DMD: variants seen among roughly 807,000 people sequenced by gnomAD.
The protein encoded by DMD is dystrophin.
In DMD, 63 loss-of-function variants were observed where a neutral mutation model predicts 330.1. That is an observed-to-expected ratio of 0.19 (90% confidence interval 0.16 to 0.24). DMD has a LOEUF of 0.24. Among genes scored for constraint, DMD ranks in the 10% least tolerant of loss-of-function variants. The pLI is 1.00. For synonymous variants in DMD, 1,223 were observed against 959.8 expected, an observed-to-expected ratio of 1.27 and a Z score of -5.07; for missense variants, 3,344 against 2,684.1, an observed-to-expected ratio of 1.25 and a Z score of -5.43.
intron 7 of DMD, among the ~76,000 whole-genome samples, chrX:32,800,936 T>C (rs1231235910): frequency 8.9e-6 from 1 of 111,765 alleles, no homozygotes; most frequent in Non-Finnish European, 1.9e-5. Context: ...AAATTTTCTT[T>C]ATCCAGTCTA....
chrX:32,540,961 G>A (rs1411455506), intron 17 of DMD, among the ~76,000 whole-genome samples: 1 of 111,517 alleles, frequency 9.0e-6, no homozygotes. Flanking sequence ...ATTCATTTTA[G>A]TAAATCAATT....
chrX:31,927,108 G>T (rs1394415534), intron 47 of DMD, among the ~76,000 whole-genome samples: 1 of 112,054 alleles, frequency 8.9e-6, no homozygotes, highest in Non-Finnish European at 1.9e-5. Context: ...AACTAACAGG[G>T]ATACAGAGGC....
Position 33,088,012 on chromosome X carries a change from C to T in DMD, c.32-67812G>A, listed in dbSNP as rs758645747. On this transcript the variant is annotated intron_variant, in intron 1 of 78. Transcript: ENST00000357033. ...TTCTCTGCTTTGCGGCCCATAGCTT[C>T]CCAAAGTTACCCCTATTTCAGTATT... 2.7e-5 allele frequency among the ~76,000 whole-genome samples: 3 copies of T among 111,122 alleles called. No individual in the cohort carries two copies. In the Admixed American group the frequency reaches 2.9e-4, roughly 11 times the overall value.
In DMD at chrX:31,439,673, C is replaced by T. The variant is rs749421910; in HGVS notation, c.9084+4808G>A. Among the ~76,000 whole-genome samples, 3 of 111,923 alleles carry T rather than the reference C, an allele frequency of 2.7e-5. 1 individual carries two copies. The Admixed American group carries it at 2.9e-4, about 11-fold the overall frequency. On this transcript the variant is annotated intron_variant, in intron 60 of 78. Coordinates refer to ENST00000357033, the MANE Select transcript of DMD (RefSeq NM_004006.3). Reference sequence around the variant, plus strand: ...TTAAAGTGTTTTTGCAGCTTTTGTGCTATTTGTGGGTTTACTCATGAGTAA... The same window carrying T: ...TTAAAGTGTTTTTGCAGCTTTTGTGTTATTTGTGGGTTTACTCATGAGTAA...
rs769456440 is a variant in DMD at position 33,164,687 on chromosome X, A to T, written c.31+46595T>A. Among the ~76,000 whole-genome samples, 8 of 111,445 alleles carry T rather than the reference A, an allele frequency of 7.2e-5. No homozygotes were observed. The South Asian group carries it at 2.7e-3, about 37-fold the overall frequency. Reference sequence around the variant, plus strand: ...AAATAAGTGGTCTGATAAACAATTTACCACACCTGAAATGCAGACTTTCAT... The same window carrying T: ...AAATAAGTGGTCTGATAAACAATTTTCCACACCTGAAATGCAGACTTTCAT... On this transcript the variant is annotated intron_variant, in intron 1 of 78. Transcript: ENST00000357033.
At chrX:32,768,148 C>T (rs1272611610) in intron 7 of DMD, among the ~76,000 whole-genome samples, 3 of 111,647 alleles carry the variant, frequency 2.7e-5, no homozygotes, top group African/African-American at 6.5e-5. Flanking sequence ...TTATTTATAA[C>T]ACACAAAAGA....
chrX:32,659,017 T>G (rs1157979662), intron 9 of DMD, among the ~76,000 whole-genome samples: 1 of 112,079 alleles, frequency 8.9e-6, no homozygotes, highest in Non-Finnish European at 1.9e-5. Flanking sequence ...ACATTCAGCA[T>G]CACCCTTTGC....
intron 48 of DMD, among the ~76,000 whole-genome samples, chrX:31,857,097 G>A (rs1407019936): frequency 9.0e-6 from 1 of 110,882 alleles, no homozygotes. Context: ...TACCAATCTT[G>A]GCCAGGCATG....
chrX:31,568,405 C>A (rs753345795), intron 55 of DMD, among the ~76,000 whole-genome samples: 1 of 111,041 alleles, frequency 9.0e-6, no homozygotes, highest in Admixed American at 9.6e-5. Context: ...CTTTTTTCAG[C>A]TCTATTCATT....
At chrX:33,243,035 C>T (rs147579666) in intron 1 of DMD, among the ~76,000 whole-genome samples, 1,117 of 111,475 alleles carry the variant, frequency 0.01, 16 homozygotes, top group African/African-American at 0.035. Context: ...GATTTTCTAC[C>T]GCTCTGTGTG....
chrX:33,215,409 T>G (rs2052036299), upstream of DMD, among the ~76,000 whole-genome samples: 1 of 111,661 alleles, frequency 9.0e-6, no homozygotes, highest in Non-Finnish European at 1.9e-5. Context: ...TTAAGTTTCT[T>G]ATAGATTCTG....
At chrX:32,502,810 T>G (rs1215414164) in intron 18 of DMD, among the ~76,000 whole-genome samples, 1 of 110,842 alleles carries the variant, frequency 9.0e-6, no homozygotes, top group Non-Finnish European at 1.9e-5. Flanking sequence ...CCAGGTAAAA[T>G]ACTGGAGTAC....
intron 1 of DMD, among the ~76,000 whole-genome samples, chrX:33,156,648 T>C (rs60362394): frequency 0.01 from 1,126 of 112,018 alleles, 6 homozygotes; most frequent in African/African-American, 0.034. Flanking sequence ...AAAACAAATA[T>C]AATGTGCTCT....
chrX:32,402,615 T>C (rs985927887), intron 30 of DMD, among the ~76,000 whole-genome samples: 3 of 111,654 alleles, frequency 2.7e-5, no homozygotes, highest in Admixed American at 9.6e-5. Flanking sequence ...AAATATTAGA[T>C]ATTCACATGG....
intron 2 of DMD, among the ~76,000 whole-genome samples, chrX:32,930,383 C>T (rs1354698027): frequency 1.8e-5 from 2 of 109,576 alleles, no homozygotes; most frequent in Non-Finnish European, 3.8e-5. Context: ...ATATATGATA[C>T]GGTATTATTA....
intron 44 of DMD, among the ~76,000 whole-genome samples, chrX:31,972,649 G>C (rs992122293): frequency 9.0e-6 from 1 of 110,708 alleles, no homozygotes; most frequent in African/African-American, 3.3e-5. Flanking sequence ...GGAAATAGAG[G>C]GAAGAAAAAG....
intron 1 of DMD, among the ~76,000 whole-genome samples, chrX:33,302,862 G>A (rs2053687226): frequency 1.8e-5 from 2 of 111,495 alleles, no homozygotes; most frequent in Non-Finnish European, 1.9e-5. Flanking sequence ...ATAATGAAAT[G>A]TATTCACAAT....
chrX:33,090,117 A>AT (rs1443460985), intron 1 of DMD, among the ~76,000 whole-genome samples: 7 of 110,562 alleles, frequency 6.3e-5, no homozygotes, highest in African/African-American at 1.6e-4. Flanking sequence ...AAGGAAATTG[A>AT]TTTTTTTTCA....
At chrX:32,068,420 C>A (rs1039066124) in intron 44 of DMD, among the ~76,000 whole-genome samples, 97 of 77,536 alleles carry the variant, frequency 1.3e-3, no homozygotes, top group African/African-American at 4.2e-3. Flanking sequence ...AGGACTTAGT[C>A]AAAAATTCTT....
Sources: allele counts gnomAD v4.1 joint callset (sites outside exome capture counted in the v4.1 genomes callset), GRCh38; gene constraint gnomAD v4.1.1; transcripts MANE v1.5; gene names NCBI Gene and HGNC (gene_info 2026-07-23, HGNC 2026-07-21).